The following PDE1B variants were observed in gnomAD, a reference collection of about 807,000 sequenced individuals.
PDE1B encodes phosphodiesterase 1B.
Under a neutral mutation model 66.7 loss-of-function variants are expected in PDE1B, and 13 were observed. That is an observed-to-expected ratio of 0.19 (90% confidence interval 0.13 to 0.31). The LOEUF (loss-of-function observed/expected upper bound fraction) is 0.31. Ranked by LOEUF, PDE1B falls within the 10% of genes least tolerant of loss-of-function variation. The pLI is 1.00. For missense variants in PDE1B, 485 were observed against 682.3 expected, an observed-to-expected ratio of 0.71 and a Z score of 3.22; for synonymous variants, 230 against 253.9, an observed-to-expected ratio of 0.91 and a Z score of 0.90.
chr12:54,559,624 G>C (rs1320793412), intron 2 of PDE1B, among the ~76,000 whole-genome samples: 1 of 152,144 alleles, frequency 6.6e-6, no homozygotes, highest in African/African-American at 2.4e-5. Flanking sequence ...ATGCATACCT[G>C]GGCTGAAGTG....
chr12:54,574,193 A>G (rs985140549), intron 10 of PDE1B: 1 of 182,456 alleles, frequency 5.5e-6, no homozygotes, highest in African/African-American at 2.4e-5. Context: ...ATTACATCTA[A>G]TGTTGCTTAG....
Position 54,573,911 on chromosome 12 carries a change from G to C in PDE1B, c.1064+202G>C, listed in dbSNP as rs879787865. The C allele has an allele frequency of 3.3e-5, 17 of 509,186 alleles. No homozygotes were observed. Among genetic ancestry groups the C allele is most frequent in the African/African-American group, 6.1e-5 (3 of 49,176 alleles). 31.5% of individuals were successfully genotyped at this position (509,186 alleles called of 1,614,324 possible). On this transcript the variant is annotated intron_variant, in intron 10 of 15. Transcript: ENST00000243052. This position sits in a 1 kb window ranked among gnomAD's most constrained non-coding sequence, Gnocchi z 5.2. ...TGTGTGTGTGTGTGTGTGTGTGTGT[G>C]TCCTTACGTTTACTCACAGCCTTGG...
In PDE1B at chr12:54,569,378, C is replaced by T. The variant is rs752145838; in HGVS notation, c.410+12C>T. The T allele has an allele frequency of 1.3e-6, 2 of 1,596,244 alleles. No homozygotes were observed. Among genetic ancestry groups the T allele is most frequent in the African/African-American group, 2.7e-5 (2 of 74,676 alleles). On this transcript the variant is annotated intron_variant, in intron 4 of 15. Transcript: ENST00000243052. This position sits in a 1 kb window ranked among gnomAD's most constrained non-coding sequence, Gnocchi z 4.4. ...ATCTTCGTGGAACGGTGAGGCTCGC[C>T]CACACTCAGCCTCCCTCTGCCTTTA...
intron 2 of PDE1B, among the ~76,000 whole-genome samples, chr12:54,562,220 G>A (rs1252094890): frequency 1.3e-5 from 2 of 152,164 alleles, no homozygotes; most frequent in African/African-American, 4.8e-5. Flanking sequence ...CACCAGCCAT[G>A]GTGAGCCAAA....
In PDE1B at chr12:54,569,396, T is replaced by G. The variant is rs892769224; in HGVS notation, c.410+30T>G. The G allele has an allele frequency of 6.3e-6, 10 of 1,589,672 alleles. No individual in the cohort carries two copies. Among genetic ancestry groups the G allele is most frequent in the Non-Finnish European group, 8.6e-6 (10 of 1,165,276 alleles). The stretch of plus-strand genomic sequence containing the variant: ...GGCTCGCCCACACTCAGCCTCCCTC[T>G]GCCTTTAGCTGTGCCCCTCTTTCCC... On this transcript the variant is annotated intron_variant, in intron 4 of 15. Transcript: ENST00000243052. The surrounding 1 kb of genome is among the most constrained non-coding windows in gnomAD (Gnocchi z 4.4).
rs965609591 is a variant in PDE1B at position 54,576,667 on chromosome 12, G to A, written c.1473G>A (p.Glu491=). 2.5e-6 allele frequency: 4 copies of A among 1,613,162 alleles called. No homozygotes were observed. The highest frequency in any genetic ancestry group is 1.7e-4 in the Middle Eastern group (1 of 6,060). ...CCACCTGGGTCAAGCGCATTCAGGA[G>A]AATAAGCAGAAATGGAAGGAACGGG... is the stretch of plus-strand genomic sequence containing the variant. The part of the protein sequence containing the change: ...FRSTWVKRIQ[E]NKQKWKERAA... The change falls in exon 14 of 16, where the codon GAG becomes GAA. Residue 491 remains glutamate, a synonymous_variant. Transcript: ENST00000243052.
chr12:54,560,567 T>G (rs1443199360), intron 2 of PDE1B, among the ~76,000 whole-genome samples: 1 of 152,134 alleles, frequency 6.6e-6, no homozygotes, highest in Non-Finnish European at 1.5e-5. Flanking sequence ...CATGTATTGG[T>G]GGCGACATCT....
chr12:54,571,301 A>T (rs186381442), intron 6 of PDE1B: 30 of 152,412 alleles, frequency 2.0e-4, no homozygotes, highest in Admixed American at 1.6e-3. Flanking sequence ...TGAGATGCTC[A>T]GCTGAAATTT....
At chr12:54,570,750 C>T in intron 6 of PDE1B, 1 of 202,432 alleles carries the variant, frequency 4.9e-6, no homozygotes, top group Non-Finnish European at 1.0e-5. Flanking sequence ...ACTCCCTCCC[C>T]CGTCCCCCAG....
chr12:54,551,156 GA>G (rs1957272468), intron 2 of PDE1B, among the ~76,000 whole-genome samples: 1 of 152,224 alleles, frequency 6.6e-6, no homozygotes, highest in Non-Finnish European at 1.5e-5. Flanking sequence ...GGGAGAGGGA[GA>G]GATGGGGGTA....
chr12:54,561,627 C>A lies in PDE1B; in HGVS notation c.114-5347C>A, dbSNP rs574948892. 15 of 1,532,882 alleles carry A rather than the reference C, an allele frequency of 9.8e-6. No individual in the cohort carries two copies. The South Asian group carries it at 1.6e-4, about 16-fold the overall frequency. The allele number at this position is 1,532,882 out of a possible 1,614,324, so 95.0% of individuals were successfully genotyped here. On this transcript the variant is annotated intron_variant, in intron 2 of 15. Coordinates refer to ENST00000243052, the MANE Select transcript of PDE1B (RefSeq NM_000924.4). ...TGTTCAGAGGAGCCACCTCCAGGGC[C>A]CCATTCTCAGGTAGGTGCCAGGGAT...
chr12:54,565,842 TC>T (rs1375968359), intron 2 of PDE1B, among the ~76,000 whole-genome samples: 4 of 152,088 alleles, frequency 2.6e-5, no homozygotes, highest in Non-Finnish European at 4.4e-5. Context: ...TTGTTCTCCC[TC>T]CCCCGGCATC....
chr12:54,559,508 G>C (rs1446632731), intron 2 of PDE1B, among the ~76,000 whole-genome samples: 1 of 152,084 alleles, frequency 6.6e-6, no homozygotes, highest in South Asian at 2.1e-4. Flanking sequence ...GTGTGTGTAA[G>C]TGTCTATGTG....
chr12:54,573,075 C>A lies in PDE1B; in HGVS notation c.736-73C>A. The A allele has an allele frequency of 9.4e-7, 1 of 1,063,994 alleles. No homozygotes were observed. Among genetic ancestry groups the A allele is most frequent in the Non-Finnish European group, 1.5e-6 (1 of 682,214 alleles). 65.9% of individuals were successfully genotyped at this position (1,063,994 alleles called of 1,614,324 possible). A position where few individuals can be genotyped will look rare whatever the true frequency, so the allele number is the denominator to read the frequency against. On this transcript the variant is annotated intron_variant, in intron 7 of 15. Coordinates refer to ENST00000243052, the MANE Select transcript of PDE1B (RefSeq NM_000924.4). The surrounding 1 kb of genome is among the most constrained non-coding windows in gnomAD (Gnocchi z 5.2). Reference sequence around the variant, plus strand: ...GAAGGGATGGGATGAGTGATCTAGCCTGTGTGTGGAGGTTCCTGGGAAGTG... The same window carrying A: ...GAAGGGATGGGATGAGTGATCTAGCATGTGTGTGGAGGTTCCTGGGAAGTG...
At chr12:54,555,065 G>T (rs1396894429) in intron 2 of PDE1B, among the ~76,000 whole-genome samples, 1 of 152,220 alleles carries the variant, frequency 6.6e-6, no homozygotes, top group Non-Finnish European at 1.5e-5. Flanking sequence ...GAGACCAGAA[G>T]GATAGGTGGG....
At chr12:54,556,237 G>C (rs966807061) in intron 2 of PDE1B, among the ~76,000 whole-genome samples, 38 of 152,286 alleles carry the variant, frequency 2.5e-4, no homozygotes, top group African/African-American at 8.9e-4. Flanking sequence ...TGAGACAACT[G>C]GGGAGACTGG....
At position 54,575,031 on chromosome 12, in the gene PDE1B, G is replaced by A; in HGVS notation, c.1065-67G>A. 2 of 1,449,338 alleles carry A rather than the reference G, an allele frequency of 1.4e-6. No homozygotes were observed. The highest frequency in any genetic ancestry group is 1.9e-6 in the Non-Finnish European group (2 of 1,047,328). 89.8% of individuals were successfully genotyped at this position (1,449,338 alleles called of 1,614,324 possible). A position where few individuals can be genotyped will look rare whatever the true frequency, so the allele number is the denominator to read the frequency against. ...GTGATAGGGTGTGCGTGGGAAGTTAGGGAATGGTCCTAACTTCCTTTTCCT... is the reference window on the plus strand; with the variant it reads ...GTGATAGGGTGTGCGTGGGAAGTTAAGGAATGGTCCTAACTTCCTTTTCCT... On this transcript the variant is annotated intron_variant, in intron 10 of 15. Coordinates refer to ENST00000243052, the MANE Select transcript of PDE1B (RefSeq NM_000924.4). The surrounding 1 kb of genome is among the most constrained non-coding windows in gnomAD (Gnocchi z 4.0).
chr12:54,576,614 C>G lies in PDE1B; in HGVS notation c.1420C>G (p.Pro474Ala). ...QPSLDVEVGD[P>A]NPDVVSFRST... ...CTCTCTGGATGTGGAAGTGGGAGAC[C>G]CCAACCCTGATGTGGTCAGCTTTCG... The change falls in exon 14 of 16, where the codon CCC becomes GCC. Residue 474 changes from proline to alanine, a missense_variant. Pro to Ala is a conservative substitution (Grantham distance 27). Around this residue, in one of 4 missense-constraint regions of PDE1B, gnomAD observed 126 missense variants for 133.8 expected, o/e 0.94. Coordinates refer to ENST00000243052, the MANE Select transcript of PDE1B (RefSeq NM_000924.4). 6.2e-7 allele frequency: 1 copy of G among 1,613,922 alleles called. No individual in the cohort carries two copies. The highest frequency in any genetic ancestry group is 1.3e-5 in the African/African-American group (1 of 74,956).
rs1333947972 is a variant in PDE1B at position 54,549,920 on chromosome 12, T to C, written c.48T>C (p.Asp16=). Residue 16 remains aspartate (D), a synonymous_variant, in exon 2 of 16, where the codon GAT becomes GAC. Transcript: ENST00000243052. ...RSPPEMLEES[D]CPSPLELKSA... is the part of the protein sequence containing the mutation. Reference sequence around the variant, plus strand: ...CTCCGGAGATGCTGGAGGAGTCGGATTGCCCGTCACCCCTGGAGCTGAAGT... The same window carrying C: ...CTCCGGAGATGCTGGAGGAGTCGGACTGCCCGTCACCCCTGGAGCTGAAGT... The C allele has an allele frequency of 3.7e-6, 6 of 1,613,982 alleles. No homozygotes were observed. Among genetic ancestry groups the C allele is most frequent in the African/African-American group, 1.3e-5 (1 of 74,894 alleles).
Sources: gnomAD v4.1 joint callset for allele counts (sites outside exome capture counted in the v4.1 genomes callset) on GRCh38, gnomAD v4.1.1 for gene constraint, gnomAD v4.1.1 regional missense constraint, Gnocchi (gnomAD v3.1) non-coding constraint, MANE v1.5 for transcripts, NCBI Gene and HGNC (gene_info 2026-07-23, HGNC 2026-07-21) for gene names.